The following PCDHGB5 variants were observed in gnomAD, a reference collection of about 807,000 sequenced individuals.
The protein encoded by PCDHGB5 is protocadherin gamma-B5.
In PCDHGB5, 48 loss-of-function variants were observed where a neutral mutation model predicts 62.9. The ratio of observed to expected loss-of-function variants is 0.76; its 90% confidence interval spans 0.61 to 0.97. The LOEUF (loss-of-function observed/expected upper bound fraction) is 0.97. PCDHGB5 is among the 50% of genes least tolerant of loss of function. The pLI is 0.00. For synonymous variants in PCDHGB5, 474 were observed against 511.2 expected (o/e 0.93, Z 0.98); for missense variants, 1,118 against 1,198.6 (o/e 0.93, Z 0.99).
chr5:141,447,225 C>T (rs966197293), intron 1 of PCDHGB5, among the ~76,000 whole-genome samples: 9 of 151,960 alleles, frequency 5.9e-5, no homozygotes, highest in African/African-American at 7.3e-5. Flanking sequence ...CTGCAACCTC[C>T]GCCTCCCGGG....
Position 141,398,051 on chromosome 5 carries a change from C to G in PCDHGB5, c.-77C>G. The G allele has an allele frequency of 2.0e-6, 3 of 1,512,220 alleles. No individual in the cohort carries two copies. The highest frequency in any genetic ancestry group is 2.7e-6 in the Non-Finnish European group (3 of 1,128,846). The allele number at this position is 1,512,220 out of a possible 1,614,324, so 93.7% of individuals were successfully genotyped here. On this transcript the variant is annotated 5_prime_UTR_variant, in exon 1 of 4. The change creates a new upstream start codon in the 5' untranslated region. Transcript: ENST00000617380. ...CTGGAACTAAAGCCCGTTCGGAGAT[C>G]CAAAAATCTACAATACAGAGGTTAT... is the stretch of plus-strand genomic sequence containing the variant.
chr5:141,425,869 C>G (rs1376765137), intron 1 of PCDHGB5, among the ~76,000 whole-genome samples: 1 of 152,198 alleles, frequency 6.6e-6, no homozygotes, highest in Non-Finnish European at 1.5e-5. Flanking sequence ...TATAGATTCC[C>G]ATCTCTAAGG....
At position 141,490,938 on chromosome 5, in the gene PCDHGB5, C is replaced by T. The variant is rs2099706179; in HGVS notation, c.2398-3869C>T. ...ATGATAATGCCCCAGCTGTGCTGCA[C>T]CCACGGCCAGACTGGGAACACTCAG... On this transcript the variant is annotated intron_variant, in intron 1 of 3. Coordinates refer to ENST00000617380, the MANE Select transcript of PCDHGB5 (RefSeq NM_018925.3). This position sits in a 1 kb window ranked among gnomAD's most constrained non-coding sequence, Gnocchi z 5.4. 6.2e-7 allele frequency: 1 copy of T among 1,613,554 alleles called. No homozygotes were observed. Among genetic ancestry groups the T allele is most frequent in the African/African-American group, 1.3e-5 (1 of 74,934 alleles).
At chr5:141,492,834 G>A (rs544218873) in intron 1 of PCDHGB5, among the ~76,000 whole-genome samples, 7 of 152,214 alleles carry the variant, frequency 4.6e-5, no homozygotes, top group African/African-American at 1.7e-4. Context: ...CCTTCCTCCC[G>A]CAGGAAGTGA....
intron 1 of PCDHGB5, among the ~76,000 whole-genome samples, chr5:141,479,992 G>A (rs1336315766): frequency 6.6e-6 from 1 of 152,204 alleles, no homozygotes; most frequent in Non-Finnish European, 1.5e-5. Context: ...CCAACTAGGA[G>A]TCTGTGGCCA....
intron 1 of PCDHGB5, chr5:141,421,393 G>A: frequency 6.2e-7 from 1 of 1,614,038 alleles, no homozygotes; most frequent in Non-Finnish European, 8.5e-7. Flanking sequence ...CCTGGGGCTG[G>A]AGCCCCGGGA....
At chr5:141,407,563 A>T (rs1483622352) in intron 1 of PCDHGB5, among the ~76,000 whole-genome samples, 1 of 152,032 alleles carries the variant, frequency 6.6e-6, no homozygotes, top group Non-Finnish European at 1.5e-5. Context: ...ACATAAGCTG[A>T]AAGATAAAAT....
intron 1 of PCDHGB5, chr5:141,441,889 GT>G: frequency 2.9e-6 from 1 of 346,022 alleles, no homozygotes; most frequent in South Asian, 2.6e-5. Flanking sequence ...GGTCACCAAG[GT>G]GGTGGCTGTA....
chr5:141,491,794 TCCGG>T lies in PCDHGB5; in HGVS notation c.2398-3007_2398-3004del. The T allele has an allele frequency of 6.6e-7, 1 of 1,511,056 alleles. No homozygotes were observed. The highest frequency in any genetic ancestry group is 8.8e-7 in the Non-Finnish European group (1 of 1,130,146). 93.6% of individuals were successfully genotyped at this position (1,511,056 alleles called of 1,614,324 possible). A position where few individuals can be genotyped will look rare whatever the true frequency, so the allele number is the denominator to read the frequency against. Reference sequence around the variant, plus strand: ...GGGATTGAACTTGCATCCACTCCTCTCCGGCCGGCTTGGTCGCTGGCTGCGCTCC... The same window carrying T: ...GGGATTGAACTTGCATCCACTCCTCTCCGGCTTGGTCGCTGGCTGCGCTCC... On this transcript the variant is annotated intron_variant, in intron 1 of 3. Transcript: ENST00000617380. The surrounding 1 kb of genome is among the most constrained non-coding windows in gnomAD (Gnocchi z 6.9).
At chr5:141,478,528 G>A (rs1013766552) in intron 1 of PCDHGB5, 1 of 1,609,730 alleles carries the variant, frequency 6.2e-7, no homozygotes, top group Non-Finnish European at 8.5e-7. Context: ...TGGGTGCAGA[G>A]AGCGCCCCTC....
chr5:141,462,657 T>G (rs949098251), intron 1 of PCDHGB5, among the ~76,000 whole-genome samples: 1 of 152,164 alleles, frequency 6.6e-6, no homozygotes, highest in East Asian at 1.9e-4. Flanking sequence ...TCCTCAATTA[T>G]CTTCATATTT....
chr5:141,432,061 G>T lies in PCDHGB5; in HGVS notation c.2397+31537G>T. On this transcript the variant is annotated intron_variant, in intron 1 of 3. Coordinates refer to ENST00000617380, the MANE Select transcript of PCDHGB5 (RefSeq NM_018925.3). The surrounding 1 kb of genome is among the most constrained non-coding windows in gnomAD (Gnocchi z 6.0). ...ACCGGGGAACCCCGCCCCTATCCAC[G>T]GAAACTCATATCTCGCTGAACGTGG... 1.9e-6 allele frequency: 3 copies of T among 1,614,130 alleles called. No homozygotes were observed. The highest frequency in any genetic ancestry group is 2.5e-6 in the Non-Finnish European group (3 of 1,180,034).
chr5:141,404,840 C>G lies in PCDHGB5; in HGVS notation c.2397+4316C>G, dbSNP rs377389968. ...GCACACAGGTGAAGTGCGCACAGCT[C>G]GGGCCCTGCTAGATAGAGATGCGCT... is the stretch of plus-strand genomic sequence containing the variant. On this transcript the variant is annotated intron_variant, in intron 1 of 3. Transcript: ENST00000617380. 4 of 1,613,698 alleles carry G rather than the reference C, an allele frequency of 2.5e-6. No individual in the cohort carries two copies. In the Admixed American group the frequency reaches 5.0e-5, roughly 20 times the overall value.
At position 141,477,368 on chromosome 5, in the gene PCDHGB5, G is replaced by A; in HGVS notation, c.2398-17439G>A. Reference sequence around the variant, plus strand: ...GAAAACCAGTGCAGACCTGGATCGGGAGACTGTGCCAGAATACAACCTCAG... The same window carrying A: ...GAAAACCAGTGCAGACCTGGATCGGAAGACTGTGCCAGAATACAACCTCAG... On this transcript the variant is annotated intron_variant, in intron 1 of 3. Coordinates refer to ENST00000617380, the MANE Select transcript of PCDHGB5 (RefSeq NM_018925.3). The surrounding 1 kb of genome is among the most constrained non-coding windows in gnomAD (Gnocchi z 4.9). 6.2e-7 allele frequency: 1 copy of A among 1,614,132 alleles called. No individual in the cohort carries two copies. Among genetic ancestry groups the A allele is most frequent in the Non-Finnish European group, 8.5e-7 (1 of 1,180,024 alleles).
chr5:141,457,429 C>A (rs73280316), intron 1 of PCDHGB5, among the ~76,000 whole-genome samples: 7 of 152,178 alleles, frequency 4.6e-5, no homozygotes, highest in Non-Finnish European at 7.4e-5. Flanking sequence ...TTTTCCCCCC[C>A]ACCAAGCTGC....
rs758139838 is a variant in PCDHGB5, at chr5:141,431,419, G to C, written c.2397+30895G>C. The C allele has an allele frequency of 1.5e-5, 25 of 1,613,700 alleles. No individual in the cohort carries two copies. The highest frequency in any genetic ancestry group is 2.0e-5 in the Non-Finnish European group (24 of 1,180,046). On this transcript the variant is annotated intron_variant, in intron 1 of 3. Coordinates refer to ENST00000617380, the MANE Select transcript of PCDHGB5 (RefSeq NM_018925.3). This position sits in a 1 kb window ranked among gnomAD's most constrained non-coding sequence, Gnocchi z 4.8. ...TTACGGCCTCCGACGGGGGCGACCC[G>C]GTGCGCACAGGCACCGCGCGCATCC... is the stretch of plus-strand genomic sequence containing the variant.
chr5:141,405,431 T>TGTTTTTGA (rs1428153443), intron 1 of PCDHGB5: 4 of 1,490,528 alleles, frequency 2.7e-6, no homozygotes, highest in Non-Finnish European at 2.7e-6. Flanking sequence ...TGTTTTGTTT[T>TGTTTTTGA]GTTTTTGAGA....
chr5:141,421,194 C>G, intron 1 of PCDHGB5: 1 of 1,498,922 alleles, frequency 6.7e-7, no homozygotes, highest in South Asian at 1.3e-5. Context: ...CCAACCAGCT[C>G]GAGAAACCGC....
At chr5:141,405,708 C>T (rs1328051668) in intron 1 of PCDHGB5, among the ~76,000 whole-genome samples, 2 of 152,164 alleles carry the variant, frequency 1.3e-5, no homozygotes, top group African/African-American at 4.8e-5. Context: ...GAATTCCTAA[C>T]CTCAAGTGAT....
Sources: allele counts gnomAD v4.1 joint callset (sites outside exome capture counted in the v4.1 genomes callset), GRCh38; gene constraint gnomAD v4.1.1; non-coding constraint Gnocchi (gnomAD v3.1); transcripts MANE v1.5; gene names NCBI Gene and HGNC (gene_info 2026-07-23, HGNC 2026-07-21).